SLC25A17: variants seen among roughly 807,000 people sequenced by gnomAD.
SLC25A17 encodes the protein peroxisomal membrane protein PMP34.
SLC25A17 carries 26 observed loss-of-function variants against 38.5 expected under a neutral mutation model. The observed-to-expected ratio is 0.68, with a 90% CI of 0.50 to 0.94. SLC25A17 has a LOEUF of 0.94. Ranked by LOEUF, SLC25A17 falls within the 40% of genes least tolerant of loss-of-function variation. The pLI, the probability that SLC25A17 is intolerant of heterozygous loss-of-function variation, is 0.00. For missense variants in SLC25A17, 333 were observed against 372.7 expected (o/e 0.89, Z 0.88); for synonymous variants, 139 against 136.2 (o/e 1.02, Z -0.14).
At chr22:40,790,407 G>A (rs2057375679) in intron 4 of SLC25A17, among the ~76,000 whole-genome samples, 1 of 146,692 alleles carries the variant, frequency 6.8e-6, no homozygotes, top group South Asian at 2.2e-4. Context: ...ATTAAGGTTA[G>A]TAGGCTATTT....
intron 8 of SLC25A17, among the ~76,000 whole-genome samples, chr22:40,773,630 T>C (rs948835756): frequency 6.6e-6 from 1 of 152,208 alleles, no homozygotes; most frequent in African/African-American, 2.4e-5. Context: ...AGAGGCATCA[T>C]AGGATATGCC....
chr22:40,792,392 T>TAAAAA, intron 4 of SLC25A17, 133 bp downstream of exon 4: 1 of 580,496 alleles, frequency 1.7e-6, no homozygotes, highest in Non-Finnish European at 2.7e-6. Context: ...TTAACACAAT[T>TAAAAA]AAAAAAAAAA....
At chr22:40,817,263 T>A (rs138328) in intron 1 of SLC25A17, 70,756 of 152,222 alleles carry the variant, frequency 0.46, 17,330 homozygotes, top group Admixed American at 0.64. Flanking sequence ...CAGAAACACT[T>A]TCTTCACGTG....
intron 2 of SLC25A17, chr22:40,798,039 G>A (rs2057446130): frequency 1.3e-5 from 2 of 152,426 alleles, no homozygotes; most frequent in African/African-American, 4.8e-5. Flanking sequence ...AGGGGGCACT[G>A]CCCATTCTCA....
Position 40,792,650 on chromosome 22 carries a change from G to A in SLC25A17, c.209C>T (p.Pro70Leu), listed in dbSNP as rs1302802090. ...GGAGCAGCAGAGACTGGAAATCACTGGAAACCACCCTCGATATGGTGCCAG... is the reference window on the plus strand; with the variant it reads ...GGAGCAGCAGAGACTGGAAATCACTAGAAACCACCCTCGATATGGTGCCAG... ...GLLAPYRGWF[P>L]VISSLCCSNF... The change falls in exon 4 of 9, where the codon CCA (proline) becomes CTA (leucine). Residue 70 changes from proline (P) to leucine (L), a missense_variant. By Grantham distance (98) the Pro-to-Leu change is moderately conservative. Transcript: ENST00000435456. 6.2e-7 allele frequency: 1 copy of A among 1,613,952 alleles called. No individual in the cohort carries two copies. The highest frequency in any genetic ancestry group is 8.5e-7 in the Non-Finnish European group (1 of 1,179,912).
intron 1 of SLC25A17, among the ~76,000 whole-genome samples, chr22:40,817,012 G>T (rs1273636133): frequency 2.6e-5 from 4 of 152,166 alleles, no homozygotes; most frequent in Non-Finnish European, 5.9e-5. Context: ...GTGGCACATA[G>T]AATGCACTCA....
chr22:40,782,432 A>G (rs1398708260), intron 4 of SLC25A17, among the ~76,000 whole-genome samples: 2 of 152,258 alleles, frequency 1.3e-5, no homozygotes, highest in African/African-American at 4.8e-5. Flanking sequence ...CAAAATTAAG[A>G]GATGAATAAC....
intron 4 of SLC25A17, among the ~76,000 whole-genome samples, chr22:40,781,358 G>T (rs998965901): frequency 1.3e-5 from 2 of 151,328 alleles, no homozygotes; most frequent in African/African-American, 4.9e-5. Context: ...CCATTCTCCT[G>T]CCTCAGCCTC....
At chr22:40,811,226 A>G (rs539441411) in intron 1 of SLC25A17, among the ~76,000 whole-genome samples, 2 of 149,614 alleles carry the variant, frequency 1.3e-5, no homozygotes, top group African/African-American at 4.9e-5. Context: ...TGTTCCCATG[A>G]TTATCATGTA....
intron 8 of SLC25A17, among the ~76,000 whole-genome samples, 195 bp downstream of exon 8, chr22:40,773,742 T>C (rs2057211526): frequency 1.3e-5 from 2 of 152,364 alleles, no homozygotes; most frequent in South Asian, 2.1e-4. Flanking sequence ...CCTGAACTTT[T>C]CCATAATTTC....
rs1439753979 is a variant in SLC25A17, at chr22:40,797,203, T to C, written c.115+1820A>G. ...GCCTGTTGAATCATGTAAAATTATTTATCCAAAAACTATAAAATTACCCAA... is the reference window on the plus strand; with the variant it reads ...GCCTGTTGAATCATGTAAAATTATTCATCCAAAAACTATAAAATTACCCAA... On this transcript the variant is annotated intron_variant, in intron 2 of 8. Coordinates refer to ENST00000435456, the MANE Select transcript of SLC25A17 (RefSeq NM_006358.4). 5 of 631,100 alleles carry C rather than the reference T, an allele frequency of 7.9e-6. No individual in the cohort carries two copies. In the Admixed American group the frequency reaches 1.2e-4, roughly 15 times the overall value. 39.1% of individuals were successfully genotyped at this position (631,100 alleles called of 1,614,324 possible).
chr22:40,778,527 T>C (rs749346379), intron 5 of SLC25A17, among the ~76,000 whole-genome samples: 3 of 152,340 alleles, frequency 2.0e-5, no homozygotes, highest in African/African-American at 7.2e-5. Flanking sequence ...AGAAATGCTA[T>C]TGATGGATGC....
At chr22:40,804,721 T>C (rs187499536) in intron 1 of SLC25A17, among the ~76,000 whole-genome samples, 1 of 152,314 alleles carries the variant, frequency 6.6e-6, no homozygotes, top group Non-Finnish European at 1.5e-5. Context: ...TGAAGTGTTT[T>C]ATTGAGTGTG....
At position 40,770,823 on chromosome 22, in the gene SLC25A17, G is replaced by T; in HGVS notation, c.*11C>A. 6.3e-7 allele frequency: 1 copy of T among 1,586,912 alleles called. No individual in the cohort carries two copies. The highest frequency in any genetic ancestry group is 1.1e-5 in the South Asian group (1 of 88,326). On this transcript the variant is annotated 3_prime_UTR_variant, in exon 9 of 9. Coordinates refer to ENST00000435456, the MANE Select transcript of SLC25A17 (RefSeq NM_006358.4). ...CTTGAGCATCTTCGGAATTTTTCAT[G>T]GGAAGGCGTCTCAGTGTTGGTGTGC...
At chr22:40,790,528 A>C (rs528289060) in intron 4 of SLC25A17, among the ~76,000 whole-genome samples, 207 of 152,272 alleles carry the variant, frequency 1.4e-3, no homozygotes, top group African/African-American at 4.9e-3. Flanking sequence ...AAAAAAGTAA[A>C]AAATGAAAGC....
intron 2 of SLC25A17, among the ~76,000 whole-genome samples, chr22:40,797,597 A>G (rs2057441870): frequency 6.6e-6 from 1 of 152,264 alleles, no homozygotes; most frequent in Admixed American, 6.5e-5. Context: ...TTCTTAGATT[A>G]GAAAATGGCT....
chr22:40,801,452 T>A (rs2057483648), intron 1 of SLC25A17, among the ~76,000 whole-genome samples: 1 of 152,094 alleles, frequency 6.6e-6, no homozygotes. Flanking sequence ...TCTGTGCACA[T>A]CCTAGATTCT....
intron 1 of SLC25A17, among the ~76,000 whole-genome samples, chr22:40,805,104 G>A (rs1356624252): frequency 3.3e-5 from 5 of 152,266 alleles, no homozygotes; most frequent in Non-Finnish European, 7.3e-5. Flanking sequence ...GGGAGGCCAA[G>A]GCAGTAGATC....
intron 1 of SLC25A17, among the ~76,000 whole-genome samples, chr22:40,800,174 CA>C (rs1602616484): frequency 6.6e-6 from 1 of 152,156 alleles, no homozygotes; most frequent in African/African-American, 2.4e-5. Flanking sequence ...CACAATGACA[CA>C]AATTATCAAT....
Sources: allele counts gnomAD v4.1 joint callset (sites outside exome capture counted in the v4.1 genomes callset), GRCh38; gene constraint gnomAD v4.1.1; transcripts MANE v1.5; gene names NCBI Gene and HGNC (gene_info 2026-07-23, HGNC 2026-07-21).